The following PRKN variants were observed in gnomAD, a reference collection of about 807,000 sequenced individuals.
The protein encoded by PRKN is parkin RBR E3 ubiquitin protein ligase.
PRKN carries 56 observed loss-of-function variants against 59.5 expected under a neutral mutation model. That is an observed-to-expected ratio of 0.94 (90% CI 0.76 to 1.18). The LOEUF is 1.18. Ranked by LOEUF, PRKN falls within the 50% of genes most tolerant of loss-of-function variation. The pLI is 0.00. For missense variants in PRKN, 657 were observed against 596.4 expected, an observed-to-expected ratio of 1.10 and a Z score of -1.06; for synonymous variants, 250 against 222.1, an observed-to-expected ratio of 1.13 and a Z score of -1.12.
At chr6:162,460,672 C>T (rs925243279) in intron 1 of PRKN, among the ~76,000 whole-genome samples, 13 of 152,184 alleles carry the variant, frequency 8.5e-5, no homozygotes, top group African/African-American at 3.1e-4. Flanking sequence ...AATGTGCATT[C>T]ACTTCACTTT....
rs1414885691 is a variant in PRKN at position 161,527,814 on chromosome 6, C to A, written c.1083+21040G>T. 6.6e-6 allele frequency among the ~76,000 whole-genome samples: 1 copy of A among 152,218 alleles called. No homozygotes were observed. The highest frequency in any genetic ancestry group is 2.4e-5 in the African/African-American group (1 of 41,464). On this transcript the variant is annotated intron_variant, in intron 9 of 11. Coordinates refer to ENST00000366898, the MANE Select transcript of PRKN (RefSeq NM_004562.3). This position sits in a 1 kb window ranked among gnomAD's most constrained non-coding sequence, Gnocchi z 4.6. ...TGGAGTCTCTTTTCTGACAGTGCCA[C>A]TGAATCAGCTGTCTGAAGAACCCTT... is the stretch of plus-strand genomic sequence containing the variant.
At chr6:161,511,013 TC>T (rs1778367220) in intron 9 of PRKN, among the ~76,000 whole-genome samples, 1 of 152,222 alleles carries the variant, frequency 6.6e-6, no homozygotes, top group Non-Finnish European at 1.5e-5. Context: ...AGGCCACTGA[TC>T]TTTTGTTTGC....
chr6:162,124,114 G>C (rs913942506), intron 4 of PRKN, among the ~76,000 whole-genome samples: 1 of 152,082 alleles, frequency 6.6e-6, no homozygotes, highest in Non-Finnish European at 1.5e-5. Context: ...TAAGCAAGGA[G>C]AACTAGCCTC....
chr6:161,415,700 C>A (rs1287158305), intron 9 of PRKN, among the ~76,000 whole-genome samples: 1 of 150,478 alleles, frequency 6.6e-6, no homozygotes, highest in South Asian at 2.1e-4. Flanking sequence ...GGAGTCTGCC[C>A]GGCCCCTCCT....
At chr6:161,706,422 T>G (rs190531670) in intron 7 of PRKN, among the ~76,000 whole-genome samples, 9 of 152,206 alleles carry the variant, frequency 5.9e-5, no homozygotes, top group Admixed American at 5.9e-4. Flanking sequence ...CCTCTCAAAA[T>G]GCATCTCGGA....
chr6:162,684,623 T>C (rs1779898480), intron 1 of PRKN, among the ~76,000 whole-genome samples: 1 of 152,162 alleles, frequency 6.6e-6, no homozygotes, highest in Non-Finnish European at 1.5e-5. Flanking sequence ...TCTGTTTCCT[T>C]ATCTACAAAA....
chr6:162,307,400 T>TAAA (rs545669121), intron 2 of PRKN, among the ~76,000 whole-genome samples: 39 of 75,494 alleles, frequency 5.2e-4, no homozygotes, highest in African/African-American at 1.6e-3. Flanking sequence ...ACCGTCTCAA[T>TAAA]AAAAAAAAAA....
chr6:162,296,124 C>T (rs550270870), intron 2 of PRKN, among the ~76,000 whole-genome samples: 2 of 152,048 alleles, frequency 1.3e-5, no homozygotes, highest in African/African-American at 4.8e-5. Flanking sequence ...GGGAGAGGGA[C>T]AGTAAATGGG....
intron 1 of PRKN, among the ~76,000 whole-genome samples, chr6:162,605,463 T>C (rs770745076): frequency 6.6e-6 from 1 of 152,166 alleles, no homozygotes; most frequent in Non-Finnish European, 1.5e-5. Context: ...TTCCTTGGTA[T>C]AATTTAAATA....
Position 162,054,113 on chromosome 6 carries a change from G to T in PRKN, c.596C>A (p.Pro199Gln). ...PNRMSGECQSPHCPGTSAEFF... is the reference protein window; with the variant it reads ...PNRMSGECQSQHCPGTSAEFF... Reference sequence around the variant, plus strand: ...TACTGCACTAGTCCCAGGGCAGTGTGGGGATTGGCATTCACCACTCATCCG... The same window carrying T: ...TACTGCACTAGTCCCAGGGCAGTGTTGGGATTGGCATTCACCACTCATCCG... Residue 199 changes from proline to glutamine, a missense_variant, in exon 5 of 12, where the codon CCA (proline) becomes CAA (glutamine). By Grantham distance (76) the Pro-to-Gln change is moderately conservative (BLOSUM62 -1). Transcript: ENST00000366898. The T allele has an allele frequency of 6.2e-7, 1 of 1,612,246 alleles. No homozygotes were observed.
intron 1 of PRKN, among the ~76,000 whole-genome samples, chr6:162,594,313 G>A (rs1033949046): frequency 6.6e-6 from 1 of 152,094 alleles, no homozygotes; most frequent in South Asian, 2.1e-4. Context: ...ATGTAGTTTA[G>A]ATGTAAAGAC....
In PRKN at chr6:161,496,403, G is replaced by A. The variant is rs865970158; in HGVS notation, c.1083+52451C>T. ...TCATGCTGCTAATAAAGACATACTC[G>A]ACACTGGGTAATTTATAAAGGAAAG... On this transcript the variant is annotated intron_variant, in intron 9 of 11. Coordinates refer to ENST00000366898, the MANE Select transcript of PRKN (RefSeq NM_004562.3). Among the ~76,000 whole-genome samples the A allele has an allele frequency of 3.3e-5, 5 of 152,224 alleles. No homozygotes were observed. In the East Asian group the frequency reaches 5.8e-4, roughly 18 times the overall value.
chr6:161,403,594 A>G (rs1208679265), intron 9 of PRKN, among the ~76,000 whole-genome samples: 4 of 152,160 alleles, frequency 2.6e-5, no homozygotes, highest in Admixed American at 2.6e-4. Flanking sequence ...ACTCTGCCCC[A>G]TCTCTGTGAG....
chr6:161,716,615 G>T (rs191907487), intron 7 of PRKN, among the ~76,000 whole-genome samples: 1 of 152,188 alleles, frequency 6.6e-6, no homozygotes, highest in East Asian at 1.9e-4. Flanking sequence ...GTCTCAAGAG[G>T]GGGGGAAAAG....
chr6:162,716,080 A>G (rs555344014), intron 1 of PRKN, among the ~76,000 whole-genome samples: 1 of 152,366 alleles, frequency 6.6e-6, no homozygotes, highest in African/African-American at 2.4e-5. Flanking sequence ...CCTAGTGCCT[A>G]TCATAAATCC....
At chr6:162,505,828 G>C (rs1793585756) in intron 1 of PRKN, among the ~76,000 whole-genome samples, 1 of 152,190 alleles carries the variant, frequency 6.6e-6, no homozygotes, top group Non-Finnish European at 1.5e-5. Context: ...TAAGTATAGA[G>C]GTGTCTGCTA....
intron 3 of PRKN, among the ~76,000 whole-genome samples, chr6:162,216,979 C>T (rs1160894040): frequency 1.3e-5 from 2 of 152,118 alleles, no homozygotes; most frequent in Non-Finnish European, 2.9e-5. Flanking sequence ...GTGAAGCCTG[C>T]AATAGACTTA....
intron 1 of PRKN, among the ~76,000 whole-genome samples, chr6:162,649,344 A>G (rs1380687556): frequency 6.6e-6 from 1 of 152,200 alleles, no homozygotes; most frequent in East Asian, 1.9e-4. Flanking sequence ...TCATCATACA[A>G]TCCAGAGCAC....
Position 161,467,240 on chromosome 6 carries a change from T to A in PRKN, c.1084-80363A>T, listed in dbSNP as rs1790524430. ...CATCTACACCCTTCTGTCTTAAGTA[T>A]AATTCACTCATTCATTCATTCATTC... is the stretch of plus-strand genomic sequence containing the variant. On this transcript the variant is annotated intron_variant, in intron 9 of 11. Coordinates refer to ENST00000366898, the MANE Select transcript of PRKN (RefSeq NM_004562.3). The surrounding 1 kb of genome is among the most constrained non-coding windows in gnomAD (Gnocchi z 4.3). Among the ~76,000 whole-genome samples the A allele has an allele frequency of 6.6e-6, 1 of 152,368 alleles. No homozygotes were observed. Among genetic ancestry groups the A allele is most frequent in the Non-Finnish European group, 1.5e-5 (1 of 68,034 alleles).
Sources: gnomAD v4.1 joint callset for allele counts (sites outside exome capture counted in the v4.1 genomes callset) on GRCh38, gnomAD v4.1.1 for gene constraint, Gnocchi (gnomAD v3.1) non-coding constraint, MANE v1.5 for transcripts, NCBI Gene and HGNC (gene_info 2026-07-23, HGNC 2026-07-21) for gene names.